Variants in PREX1 observed in about 807,000 individuals in gnomAD.
PREX1 encodes phosphatidylinositol-3,4,5-trisphosphate dependent Rac exchange factor 1, also known as phosphatidylinositol 3,4,5-trisphosphate-dependent Rac exchanger 1 protein.
In PREX1, 41 loss-of-function variants were observed where a neutral mutation model predicts 198.3. That is an observed-to-expected ratio of 0.21 (90% CI 0.16 to 0.27). The LOEUF (loss-of-function observed/expected upper bound fraction) is 0.27. Among genes scored for constraint, PREX1 ranks in the 10% least tolerant of loss-of-function variants. The pLI is 1.00. For missense variants in PREX1, 1,620 were observed against 2,200.7 expected (o/e 0.74, Z 5.28); for synonymous variants, 843 against 887.2 (o/e 0.95, Z 0.89).
intron 14 of PREX1, among the ~76,000 whole-genome samples, chr20:48,673,456 G>A (rs1323369303): frequency 6.6e-6 from 1 of 152,202 alleles, no homozygotes; most frequent in African/African-American, 2.4e-5. Context: ...TGGGAGCAAT[G>A]CCTCCCCTAT....
At chr20:48,639,627 G>A (rs2089392752) in intron 30 of PREX1, 139 bp downstream of exon 30, 2 of 1,302,896 alleles carry the variant, frequency 1.5e-6, no homozygotes, top group South Asian at 2.9e-5. Context: ...AGCTGAGAGA[G>A]GGCATCACTT....
intron 30 of PREX1, among the ~76,000 whole-genome samples, chr20:48,638,175 T>C (rs1041480092): frequency 1.3e-5 from 2 of 151,834 alleles, no homozygotes; most frequent in Non-Finnish European, 2.9e-5. Flanking sequence ...TACTCATACG[T>C]AGACTCACAT....
chr20:48,829,125 T>C (rs940381187), upstream of PREX1, among the ~76,000 whole-genome samples: 2 of 152,218 alleles, frequency 1.3e-5, no homozygotes, highest in Non-Finnish European at 2.9e-5. Context: ...TCTCTGTAAA[T>C]GTTTGTTCTT....
intron 14 of PREX1, among the ~76,000 whole-genome samples, chr20:48,669,468 G>A (rs980994585): frequency 3.3e-5 from 5 of 152,102 alleles, no homozygotes; most frequent in Admixed American, 1.3e-4. Flanking sequence ...AGCTCCATGC[G>A]GGCAGGGACA....
At chr20:48,724,610 CGTTT>C in intron 5 of PREX1, among the ~76,000 whole-genome samples, 1 of 152,128 alleles carries the variant, frequency 6.6e-6, no homozygotes, top group East Asian at 1.9e-4. Context: ...TTTGCTTGTT[CGTTT>C]AACAAAGCTT....
At position 48,825,494 on chromosome 20, in the gene PREX1, C is replaced by CT. The variant is rs1161919150; in HGVS notation, c.219+2147dup. Among the ~76,000 whole-genome samples, 53 of 151,522 alleles carry CT rather than the reference C, an allele frequency of 3.5e-4. 1 individual carries two copies. Among genetic ancestry groups the CT allele is most frequent in the African/African-American group, 9.7e-4 (40 of 41,270 alleles). On this transcript the variant is annotated intron_variant, in intron 1 of 39. Transcript: ENST00000371941. ...GGAGATAATGTGAAAGTAGAGAAAT[C>CT]TTTTTTTTTCCTGTTTCTTGAATAA...
intron 18 of PREX1, 85 bp downstream of exon 18, chr20:48,656,955 C>G: frequency 1.4e-6 from 2 of 1,466,108 alleles, no homozygotes; most frequent in Non-Finnish European, 1.8e-6. Context: ...CACGGGGGAC[C>G]AGGACAGTTC....
intron 10 of PREX1, among the ~76,000 whole-genome samples, chr20:48,682,069 A>T (rs1359623428): frequency 1.3e-5 from 2 of 152,310 alleles, no homozygotes; most frequent in East Asian, 3.9e-4. Context: ...AACAAGGCCC[A>T]GCATGACCCA....
At chr20:48,825,783 A>G (rs2090506047) in intron 1 of PREX1, among the ~76,000 whole-genome samples, 1 of 151,792 alleles carries the variant, frequency 6.6e-6, no homozygotes, top group African/African-American at 2.4e-5. Flanking sequence ...AGAATTTGAC[A>G]TTGCTCAGAG....
intron 3 of PREX1, 130 bp from the exon 4 acceptor site, chr20:48,734,780 G>C: frequency 1.5e-6 from 1 of 686,558 alleles, no homozygotes; most frequent in Non-Finnish European, 2.5e-6. Context: ...TACAGCAGGA[G>C]GTATCTCAGG....
chr20:48,639,271 T>C (rs533666539), intron 30 of PREX1, among the ~76,000 whole-genome samples: 1 of 152,294 alleles, frequency 6.6e-6, no homozygotes, highest in East Asian at 1.9e-4. Context: ...CTTCGTGTTG[T>C]TCAAGAGCAG....
At chr20:48,749,798 T>C (rs6095281) in intron 1 of PREX1, among the ~76,000 whole-genome samples, 62,390 of 152,002 alleles carry the variant, frequency 0.41, 13,135 homozygotes, top group Admixed American at 0.46. Context: ...ATTACTGGAA[T>C]GCTAAGCTTG....
chr20:48,656,937 G>A, intron 18 of PREX1, 103 bp downstream of exon 18: 3 of 1,387,372 alleles, frequency 2.2e-6, no homozygotes, highest in Admixed American at 2.5e-5. Context: ...CCAACAATGG[G>A]TCCCAGCCAC....
At chr20:48,887,022 C>T in the PREX1 span, among the ~76,000 whole-genome samples, 1 of 152,122 alleles carries the variant, frequency 6.6e-6, no homozygotes, top group Admixed American at 6.6e-5. Flanking sequence ...GCAGGTAATA[C>T]TATCTTTAAG....
chr20:48,680,179 A>G, intron 11 of PREX1, among the ~76,000 whole-genome samples: 1 of 152,138 alleles, frequency 6.6e-6, no homozygotes, highest in East Asian at 1.9e-4. Context: ...AGCCATCTCT[A>G]TCCCACAAAG....
At chr20:48,721,807 G>A (rs574263398) in intron 5 of PREX1, among the ~76,000 whole-genome samples, 2 of 152,240 alleles carry the variant, frequency 1.3e-5, no homozygotes, top group African/African-American at 2.4e-5. Context: ...GAAGGCATTC[G>A]GAAACAGCTG....
At chr20:48,639,943 T>C (rs759264348) in intron 29 of PREX1, 49 bp from the exon 30 acceptor site, 24 of 1,594,250 alleles carry the variant, frequency 1.5e-5, no homozygotes, top group African/African-American at 8.1e-5. Context: ...GGAGGTAGTG[T>C]TGGAGAACGG....
the PREX1 span, among the ~76,000 whole-genome samples, chr20:48,833,102 G>A: frequency 1.5e-3 from 234 of 152,348 alleles, 1 homozygote; most frequent in African/African-American, 5.5e-3. Flanking sequence ...AATGGGGTCA[G>A]TAAGAGCTTC....
At chr20:48,790,644 GA>G (rs756775888) in intron 1 of PREX1, among the ~76,000 whole-genome samples, 1 of 152,198 alleles carries the variant, frequency 6.6e-6, no homozygotes, top group Non-Finnish European at 1.5e-5. Context: ...ATGCTGAAGA[GA>G]AGAAAGGGAA....
Sources: gnomAD v4.1 joint callset for allele counts (sites outside exome capture counted in the v4.1 genomes callset) on GRCh38, gnomAD v4.1.1 for gene constraint, MANE v1.5 for transcripts, NCBI Gene and HGNC (gene_info 2026-07-23, HGNC 2026-07-21) for gene names.